GLI3: variants seen among roughly 807,000 people sequenced by gnomAD.
GLI3 encodes the protein GLI family zinc finger 3.
GLI3 carries 20 observed loss-of-function variants against 100.8 expected under a neutral mutation model. That is an observed-to-expected ratio of 0.20 (90% CI 0.14 to 0.29). The LOEUF is 0.29. Among genes scored for constraint, GLI3 ranks in the 10% least tolerant of loss-of-function variants. The pLI, the probability that GLI3 is intolerant of heterozygous loss-of-function variation, is 1.00. For missense variants in GLI3, 2,040 were observed against 2,128.5 expected (o/e 0.96, Z 0.82); for synonymous variants, 938 against 860.5 (o/e 1.09, Z -1.58).
intron 2 of GLI3, among the ~76,000 whole-genome samples, chr7:42,189,154 C>T (rs1045191334): frequency 6.6e-6 from 1 of 152,038 alleles, no homozygotes; most frequent in African/African-American, 2.4e-5. Flanking sequence ...GGACCCAGTA[C>T]CACTCTAAAA....
intron 3 of GLI3, among the ~76,000 whole-genome samples, chr7:42,103,741 C>T (rs34909950): frequency 0.49 from 74,053 of 151,340 alleles, 19,756 homozygotes; most frequent in East Asian, 0.7. Flanking sequence ...ATCACCTATC[C>T]AAGAGCACCC....
At chr7:41,969,549 G>C (rs1301147042) in intron 13 of GLI3, among the ~76,000 whole-genome samples, 1 of 152,200 alleles carries the variant, frequency 6.6e-6, no homozygotes, top group Non-Finnish European at 1.5e-5. Flanking sequence ...TCGTGAGTAT[G>C]TGAAGCCTTG....
chr7:42,087,079 G>A lies in GLI3; in HGVS notation c.368-10222C>T, dbSNP rs115731300. Among the ~76,000 whole-genome samples the A allele has an allele frequency of 7.3e-3, 1,107 of 152,200 alleles. 11 individuals are homozygous for A. The highest frequency in any genetic ancestry group is 0.025 in the African/African-American group (1,020 of 41,526). Reference sequence around the variant, plus strand: ...CCACTTATCCGTGTATACCCAGCAGGAACTCAATAAATGTATGTTCTAGGA... The same window carrying A: ...CCACTTATCCGTGTATACCCAGCAGAAACTCAATAAATGTATGTTCTAGGA... On this transcript the variant is annotated intron_variant, in intron 3 of 14. Transcript: ENST00000395925.
At chr7:42,251,863 G>A (rs531312539) in intron 1 of GLI3, among the ~76,000 whole-genome samples, 26 of 152,078 alleles carry the variant, frequency 1.7e-4, no homozygotes, top group African/African-American at 4.8e-4. Context: ...AGAATATGGC[G>A]TGTTCAGAAG....
chr7:42,003,365 AT>A (rs1788362910), intron 10 of GLI3, among the ~76,000 whole-genome samples: 1 of 152,204 alleles, frequency 6.6e-6, no homozygotes, highest in African/African-American at 2.4e-5. Flanking sequence ...AGAGAAAAAT[AT>A]TTCCTAAAAG....
intron 4 of GLI3, among the ~76,000 whole-genome samples, chr7:42,056,687 G>A (rs1022937555): frequency 5.9e-5 from 9 of 151,394 alleles, no homozygotes; most frequent in East Asian, 3.9e-4. Flanking sequence ...ATAGTGGCTC[G>A]TGCCTATAAT....
chr7:42,246,803 A>ATTTTTTTTTTTT (rs1198985258), intron 1 of GLI3, among the ~76,000 whole-genome samples: 3 of 63,378 alleles, frequency 4.7e-5, no homozygotes, highest in Admixed American at 2.3e-4. Context: ...GGATGATAGA[A>ATTTTTTTTTTTT]TCTTTTTTTT....
intron 3 of GLI3, among the ~76,000 whole-genome samples, chr7:42,077,749 T>A (rs1784911462): frequency 6.6e-6 from 1 of 151,984 alleles, no homozygotes; most frequent in South Asian, 2.1e-4. Context: ...AAAAAAGTGA[T>A]TCACTGTAAA....
chr7:42,036,135 AT>A (rs1482668636), intron 7 of GLI3, among the ~76,000 whole-genome samples: 1 of 152,232 alleles, frequency 6.6e-6, no homozygotes. Context: ...AAGTAAATAT[AT>A]AAACAAAAGA....
intron 11 of GLI3, chr7:41,977,926 A>G: frequency 1.7e-6 from 1 of 600,262 alleles, no homozygotes; most frequent in Admixed American, 3.0e-5. Flanking sequence ...TTTCAGTGCC[A>G]GTAAAAGTCC....
chr7:42,060,983 A>G (rs1055511714), intron 4 of GLI3, among the ~76,000 whole-genome samples: 2 of 152,240 alleles, frequency 1.3e-5, no homozygotes, highest in African/African-American at 4.8e-5. Context: ...CAAACAAACC[A>G]GCTCATGTTT....
intron 3 of GLI3, among the ~76,000 whole-genome samples, chr7:42,141,544 T>G (rs1196582899): frequency 1.3e-5 from 2 of 152,010 alleles, no homozygotes; most frequent in African/African-American, 2.4e-5. Flanking sequence ...AGGTGGCACA[T>G]GTCTGTAATC....
intron 3 of GLI3, among the ~76,000 whole-genome samples, chr7:42,122,474 G>T (rs956948962): frequency 6.6e-6 from 1 of 152,054 alleles, no homozygotes; most frequent in African/African-American, 2.4e-5. Flanking sequence ...ACCAATATGG[G>T]CTCTCATGAC....
At chr7:41,971,708 C>CA (rs974410669) in intron 13 of GLI3, among the ~76,000 whole-genome samples, 68 of 152,102 alleles carry the variant, frequency 4.5e-4, no homozygotes, top group African/African-American at 1.5e-3. Context: ...AAAACAAGAA[C>CA]AAAAAAACAA....
intron 2 of GLI3, among the ~76,000 whole-genome samples, chr7:42,190,439 C>A (rs906398722): frequency 1.3e-5 from 2 of 152,046 alleles, no homozygotes; most frequent in South Asian, 4.1e-4. Context: ...AAATTCTATG[C>A]AATTAAATTT....
intron 3 of GLI3, among the ~76,000 whole-genome samples, chr7:42,084,898 A>ATTTTTTTTT (rs1373503796): frequency 1.1e-4 from 10 of 91,884 alleles, no homozygotes; most frequent in African/African-American, 1.4e-4. Context: ...ATGCATTTGG[A>ATTTTTTTTT]TTCTTTTTTT....
At chr7:42,122,092 GAC>G (rs1358131116) in intron 3 of GLI3, among the ~76,000 whole-genome samples, 1 of 145,770 alleles carries the variant, frequency 6.9e-6, no homozygotes, top group African/African-American at 2.6e-5. Flanking sequence ...GTGACATGAA[GAC>G]AAATGAATTA....
intron 3 of GLI3, among the ~76,000 whole-genome samples, chr7:42,129,925 T>A (rs1264871685): frequency 6.6e-6 from 1 of 152,100 alleles, no homozygotes; most frequent in Non-Finnish European, 1.5e-5. Context: ...CTGGCATTTC[T>A]CCAGATAAAA....
At chr7:42,202,296 C>T (rs1016131632) in intron 2 of GLI3, among the ~76,000 whole-genome samples, 5 of 150,786 alleles carry the variant, frequency 3.3e-5, no homozygotes, top group African/African-American at 1.2e-4. Flanking sequence ...AAAATCTGAC[C>T]TCACCTGAAA....
Sources: gnomAD v4.1 joint callset for allele counts (sites outside exome capture counted in the v4.1 genomes callset) on GRCh38, gnomAD v4.1.1 for gene constraint, MANE v1.5 for transcripts, NCBI Gene and HGNC (gene_info 2026-07-23, HGNC 2026-07-21) for gene names.